Variants in OCRL observed in about 807,000 individuals in gnomAD.
OCRL encodes OCRL inositol polyphosphate-5-phosphatase.
Under a neutral mutation model 78.9 loss-of-function variants are expected in OCRL, and 8 were observed. The observed-to-expected ratio is 0.10, with a 90% CI of 0.06 to 0.18. The LOEUF (loss-of-function observed/expected upper bound fraction) is 0.18. Ranked by LOEUF, OCRL falls within the 10% of genes least tolerant of loss-of-function variation. The probability of loss-of-function intolerance (pLI) is 1.00; values close to 1 mark genes in which losing one functional copy is unlikely to be tolerated. For synonymous variants in OCRL, 240 were observed against 235.4 expected, an observed-to-expected ratio of 1.02 and a Z score of -0.18; for missense variants, 454 against 696.7, an observed-to-expected ratio of 0.65 and a Z score of 3.92.
intron 3 of OCRL, among the ~76,000 whole-genome samples, chrX:129,547,519 C>A (rs1286954022): frequency 1.2e-5 from 1 of 82,239 alleles, no homozygotes; most frequent in Admixed American, 1.4e-4. Context: ...AGCAAGACTC[C>A]GTCTCAAAAA....
intron 18 of OCRL, among the ~76,000 whole-genome samples, chrX:129,576,824 T>C (rs1384891083): frequency 1.8e-5 from 2 of 111,914 alleles, no homozygotes; most frequent in Non-Finnish European, 3.8e-5. Context: ...GATATAATGC[T>C]TGTTTGTTAA....
At chrX:129,561,062 C>T in intron 9 of OCRL, 117 bp from the exon 10 acceptor site, 1 of 551,324 alleles carries the variant, frequency 1.8e-6, no homozygotes, top group South Asian at 2.5e-5. Context: ...CAGAGCAGTT[C>T]TATAAAATTT....
intron 4 of OCRL, among the ~76,000 whole-genome samples, chrX:129,557,038 G>A (rs761737573): frequency 3.6e-5 from 4 of 111,424 alleles, no homozygotes; most frequent in Non-Finnish European, 5.7e-5. Flanking sequence ...AGATCAGAAC[G>A]CAGGAAAGTA....
chrX:129,592,230 C>A lies in OCRL; in HGVS notation c.*1960C>A, dbSNP rs1029530155. 2 of 113,800 alleles carry A rather than the reference C, an allele frequency of 1.8e-5. No homozygotes were observed. Among genetic ancestry groups the A allele is most frequent in the African/African-American group, 3.2e-5 (1 of 30,814 alleles). 9.4% of individuals were successfully genotyped at this position (113,800 alleles called of 1,213,427 possible). A position where few individuals can be genotyped will look rare whatever the true frequency, so the allele number is the denominator to read the frequency against. On this transcript the variant is annotated 3_prime_UTR_variant, in exon 24 of 24. Transcript: ENST00000371113. ...CAGACAGAAGAAATCTGCTTCCCTA[C>A]CATGGCTATTCCAGCACCCCAACCT...
At chrX:129,540,515 A>AGGGCCGGG (rs1935774382) in intron 1 of OCRL, 37 bp downstream of exon 1, 3 of 391,655 alleles carry the variant, frequency 7.7e-6, no homozygotes, top group Non-Finnish European at 1.1e-5. Context: ...GAGGCCGCGC[A>AGGGCCGGG]GGGCCGGGGG....
At chrX:129,560,524 A>T (rs771862627) in intron 8 of OCRL, 26 bp from the exon 9 acceptor site, 19 of 1,021,542 alleles carry the variant, frequency 1.9e-5, no homozygotes, top group Non-Finnish European at 2.6e-5. Flanking sequence ...TTTGTTTTCA[A>T]ATTATCTTTT....
rs979338463 is a variant in OCRL, at chrX:129,540,393, G to T, written c.-47G>T. ...TGGGGACGCGGGAGCCAGTGTCGTCGGATCGGCCCGCAGTCCGCTGTCCTG... is the reference window on the plus strand; with the variant it reads ...TGGGGACGCGGGAGCCAGTGTCGTCTGATCGGCCCGCAGTCCGCTGTCCTG... On this transcript the variant is annotated 5_prime_UTR_variant, in exon 1 of 24. Transcript: ENST00000371113. 32 of 1,142,800 alleles carry T rather than the reference G, an allele frequency of 2.8e-5. No individual in the cohort carries two copies. The highest frequency in any genetic ancestry group is 6.0e-4 in the Middle Eastern group (2 of 3,321). The allele number at this position is 1,142,800 out of a possible 1,213,427, so 94.2% of individuals were successfully genotyped here.
intron 19 of OCRL, among the ~76,000 whole-genome samples, chrX:129,584,751 T>C (rs546212441): frequency 1.5e-4 from 17 of 111,876 alleles, no homozygotes; most frequent in African/African-American, 4.9e-4. Flanking sequence ...AAAAATGATT[T>C]GAGGTTAATG....
At chrX:129,547,248 G>A (rs1322726487) in intron 3 of OCRL, among the ~76,000 whole-genome samples, 10 of 110,170 alleles carry the variant, frequency 9.1e-5, no homozygotes, top group Admixed American at 4.8e-4. Flanking sequence ...AAAACCGGCT[G>A]GGCGCGGTGG....
chrX:129,583,415 TG>T (rs1936470294), intron 18 of OCRL, among the ~76,000 whole-genome samples: 1 of 112,212 alleles, frequency 8.9e-6, no homozygotes, highest in Non-Finnish European at 1.9e-5. Context: ...TGGTCAGACC[TG>T]GGATCCAATC....
rs961441702 is a variant in OCRL, at chrX:129,590,036, A to G, written c.2581+80A>G. 15 of 1,129,383 alleles carry G rather than the reference A, an allele frequency of 1.3e-5. No individual in the cohort carries two copies. In the African/African-American group the frequency reaches 2.2e-4, roughly 16 times the overall value. 93.1% of individuals were successfully genotyped at this position (1,129,383 alleles called of 1,213,427 possible). On this transcript the variant is annotated intron_variant, in intron 23 of 23. Coordinates refer to ENST00000371113, the MANE Select transcript of OCRL (RefSeq NM_000276.4). ...GTATCCAGTATATACCTTACTGCAT[A>G]TGCAGGCACATGGCAGTCAATAGTC...
intron 2 of OCRL, among the ~76,000 whole-genome samples, chrX:129,541,358 T>C (rs1935798294): frequency 8.9e-6 from 1 of 112,158 alleles, no homozygotes; most frequent in Non-Finnish European, 1.9e-5. Context: ...ATTCATTAAT[T>C]CAGTAATGGT....
At position 129,563,482 on chromosome X, in the gene OCRL, A is replaced by G. The variant is rs749145371; in HGVS notation, c.1244+696A>G. ...TTGTGAGGTGCATTATAATTCTATT[A>G]AATAGCACTATTCTAGCCTTTTGTC... On this transcript the variant is annotated intron_variant, in intron 12 of 23. Transcript: ENST00000371113. Among the ~76,000 whole-genome samples the G allele has an allele frequency of 3.2e-3, 358 of 112,172 alleles. 1 individual carries two copies. The highest frequency in any genetic ancestry group is 0.011 in the African/African-American group (346 of 30,909).
Position 129,545,841 on chromosome X carries a change from A to G in OCRL, c.199+804A>G, listed in dbSNP as rs369949966. On this transcript the variant is annotated intron_variant, in intron 3 of 23. Coordinates refer to ENST00000371113, the MANE Select transcript of OCRL (RefSeq NM_000276.4). ...GTGATCCTCCCACTTCAGCCTCCCA[A>G]GTAGCTGGGACTGCAGGTGCACCAC... Among the ~76,000 whole-genome samples, 3 of 111,356 alleles carry G rather than the reference A, an allele frequency of 2.7e-5. No individual in the cohort carries two copies. The Admixed American group carries it at 2.9e-4, about 11-fold the overall frequency.
At chrX:129,557,781 G>T (rs1936080143) in intron 5 of OCRL, 80 bp from the exon 6 acceptor site, 1 of 720,267 alleles carries the variant, frequency 1.4e-6, no homozygotes, top group East Asian at 3.2e-5. Flanking sequence ...AAGGAATGTT[G>T]AAAGAATGGC....
At chrX:129,590,015 C>G (rs965937613) in intron 23 of OCRL, 59 bp downstream of exon 23, 2 of 1,108,540 alleles carry the variant, frequency 1.8e-6, no homozygotes, top group Non-Finnish European at 2.5e-6. Flanking sequence ...TGCATTGTAT[C>G]CAGTATATAC....
At chrX:129,583,893 G>A (rs1306844557) in intron 18 of OCRL, among the ~76,000 whole-genome samples, 2 of 111,265 alleles carry the variant, frequency 1.8e-5, no homozygotes, top group Non-Finnish European at 3.8e-5. Context: ...ATGCTGCTTA[G>A]GAGACTGGCT....
At position 129,565,052 on chromosome X, in the gene OCRL, A is replaced by C. The variant is rs746573849; in HGVS notation, c.1245-720A>C. On this transcript the variant is annotated intron_variant, in intron 12 of 23. Transcript: ENST00000371113. ...CATGAAGTTGCCATGAAATTCCAAA[A>C]ATTTATTTTCCCAGATTCCATAAAT... 5.4e-5 allele frequency among the ~76,000 whole-genome samples: 6 copies of C among 111,603 alleles called. No homozygotes were observed. In the East Asian group the frequency reaches 1.1e-3, roughly 21 times the overall value.
intron 18 of OCRL, among the ~76,000 whole-genome samples, chrX:129,578,808 C>G (rs1416610464): frequency 9.1e-6 from 1 of 110,479 alleles, no homozygotes; most frequent in Non-Finnish European, 1.9e-5. Flanking sequence ...ATAATAGAAC[C>G]CTGATCATTT....
Sources: gnomAD v4.1 joint callset for allele counts (sites outside exome capture counted in the v4.1 genomes callset) on GRCh38, gnomAD v4.1.1 for gene constraint, MANE v1.5 for transcripts, NCBI Gene and HGNC (gene_info 2026-07-23, HGNC 2026-07-21) for gene names.